The following PRKN variants were observed in gnomAD, a reference collection of about 807,000 sequenced individuals.
PRKN encodes the protein parkin RBR E3 ubiquitin protein ligase, also known as E3 ubiquitin-protein ligase parkin.
A neutral mutation model predicts 59.5 loss-of-function variants in PRKN; 56 were observed. That is an observed-to-expected ratio of 0.94 (90% CI 0.76 to 1.18). The LOEUF (loss-of-function observed/expected upper bound fraction) is 1.18. Among genes scored for constraint, PRKN ranks in the 50% most tolerant of loss-of-function variants. PRKN has a pLI of 0.00. For missense variants in PRKN, 657 were observed against 596.4 expected (o/e 1.10, Z -1.06); for synonymous variants, 250 against 222.1 (o/e 1.13, Z -1.12).
chr6:161,384,446 G>A (rs1284170443), intron 10 of PRKN, among the ~76,000 whole-genome samples: 3 of 152,124 alleles, frequency 2.0e-5, no homozygotes, highest in Non-Finnish European at 4.4e-5. Flanking sequence ...GGGAGGCTGA[G>A]GTGGCAGGGT....
rs1248219390 is a variant in PRKN, at chr6:162,058,137, T to A, written c.535-3963A>T. Among the ~76,000 whole-genome samples, 3 of 152,334 alleles carry A rather than the reference T, an allele frequency of 2.0e-5. No homozygotes were observed. The East Asian group carries it at 5.8e-4, about 29-fold the overall frequency. On this transcript the variant is annotated intron_variant, in intron 4 of 11. Coordinates refer to ENST00000366898, the MANE Select transcript of PRKN (RefSeq NM_004562.3). ...AATTAGGAAAACTTTAGAGTCAAAT[T>A]TGTGGACCAGCTCTTGCAATTTTAC...
intron 1 of PRKN, among the ~76,000 whole-genome samples, chr6:162,633,258 ACCCCATCTC>A (rs1777583113): frequency 6.6e-6 from 1 of 151,612 alleles, no homozygotes; most frequent in South Asian, 2.1e-4. Context: ...ACGTGGTGAA[ACCCCATCTC>A]TACTAAAAAT....
At chr6:162,347,254 GA>G (rs997571861) in intron 2 of PRKN, among the ~76,000 whole-genome samples, 1 of 147,438 alleles carries the variant, frequency 6.8e-6, no homozygotes, top group African/African-American at 2.5e-5. Context: ...CCTTTCTGAT[GA>G]AAAAAAAATA....
chr6:162,170,072 A>G (rs971282402), intron 4 of PRKN, among the ~76,000 whole-genome samples: 5 of 152,226 alleles, frequency 3.3e-5, no homozygotes, highest in Non-Finnish European at 5.9e-5. Context: ...CATCTGCTGT[A>G]CAGGAGAGTG....
At chr6:161,959,464 ACTCTACTAACAT>A in intron 6 of PRKN, among the ~76,000 whole-genome samples, 1 of 152,184 alleles carries the variant, frequency 6.6e-6, no homozygotes, top group Non-Finnish European at 1.5e-5. Context: ...AAGAGGTTAA[ACTCTACTAACAT>A]TTCCAAAGCA....
chr6:162,584,398 G>A (rs1780926779), intron 1 of PRKN, among the ~76,000 whole-genome samples: 1 of 152,066 alleles, frequency 6.6e-6, no homozygotes, highest in Admixed American at 6.6e-5. Flanking sequence ...GTCAATTGCT[G>A]AGAGGAACAC....
chr6:162,219,397 T>G (rs1041883002), intron 3 of PRKN, among the ~76,000 whole-genome samples: 15 of 152,206 alleles, frequency 9.9e-5, no homozygotes, highest in Admixed American at 1.3e-4. Context: ...CTTCCTCTAC[T>G]GTTCATTATT....
intron 2 of PRKN, among the ~76,000 whole-genome samples, chr6:162,430,114 G>A (rs764870688): frequency 3.3e-5 from 5 of 152,106 alleles, no homozygotes; most frequent in Admixed American, 1.3e-4. Context: ...GCCTAGGGGA[G>A]CAGACAGTGC....
At chr6:161,670,018 AG>A (rs1346072059) in intron 7 of PRKN, among the ~76,000 whole-genome samples, 1 of 152,238 alleles carries the variant, frequency 6.6e-6, no homozygotes, top group African/African-American at 2.4e-5. Context: ...CCAGTGACAT[AG>A]GAATGTGTGT....
chr6:162,071,796 C>T (rs575160028), intron 4 of PRKN, among the ~76,000 whole-genome samples: 18 of 151,990 alleles, frequency 1.2e-4, no homozygotes, highest in Middle Eastern at 3.4e-3. Flanking sequence ...GGGGTTTTAC[C>T]ATGTTGGCCA....
At chr6:162,382,658 G>C (rs1250589930) in intron 2 of PRKN, among the ~76,000 whole-genome samples, 1 of 152,120 alleles carries the variant, frequency 6.6e-6, no homozygotes. Flanking sequence ...CTAGAAGTTG[G>C]GATGACTGTG....
At chr6:161,969,268 G>GT (rs61461516) in intron 6 of PRKN, among the ~76,000 whole-genome samples, 46,386 of 133,956 alleles carry the variant, frequency 0.35, 8,292 homozygotes, top group South Asian at 0.51. Context: ...AGTCTTATTT[G>GT]TTTTTTTTTT....
At chr6:162,339,564 G>A (rs1407191124) in intron 2 of PRKN, among the ~76,000 whole-genome samples, 2 of 148,928 alleles carry the variant, frequency 1.3e-5, no homozygotes, top group African/African-American at 2.5e-5. Context: ...GGAGGTGAGG[G>A]GCGCCTCTGC....
rs555596093 is a variant in PRKN, at chr6:162,323,177, T to C, written c.172-60412A>G. On this transcript the variant is annotated intron_variant, in intron 2 of 11. Coordinates refer to ENST00000366898, the MANE Select transcript of PRKN (RefSeq NM_004562.3). ...CATGGCACATGTATACATATACATA[T>C]GTAACTAACCTGCACAATGTGCACA... Among the ~76,000 whole-genome samples the C allele has an allele frequency of 2.6e-5, 4 of 151,898 alleles. No homozygotes were observed. In the South Asian group the frequency reaches 6.2e-4, roughly 24 times the overall value.
At chr6:162,362,072 C>T (rs898310865) in intron 2 of PRKN, among the ~76,000 whole-genome samples, 6 of 152,068 alleles carry the variant, frequency 3.9e-5, no homozygotes, top group African/African-American at 1.4e-4. Context: ...GTAAAAGATC[C>T]CAAACATTTT....
Position 161,447,669 on chromosome 6 carries a change from AT to A in PRKN, c.1084-60793del, listed in dbSNP as rs2115110555. Among the ~76,000 whole-genome samples, 2 of 152,010 alleles carry A rather than the reference AT, an allele frequency of 1.3e-5. No individual in the cohort carries two copies. Among genetic ancestry groups the A allele is most frequent in the East Asian group, 3.9e-4 (2 of 5,166 alleles). On this transcript the variant is annotated intron_variant, in intron 9 of 11. Coordinates refer to ENST00000366898, the MANE Select transcript of PRKN (RefSeq NM_004562.3). This position sits in a 1 kb window ranked among gnomAD's most constrained non-coding sequence, Gnocchi z 4.1. ...CCACCATGCCTGGCTAATTTTTTGT[AT>A]TTTTAGTAGACACAGCGTTTCACCG... is the stretch of plus-strand genomic sequence containing the variant.
intron 4 of PRKN, among the ~76,000 whole-genome samples, chr6:162,113,527 TGTA>T (rs1780533293): frequency 6.6e-6 from 1 of 152,206 alleles, no homozygotes; most frequent in Non-Finnish European, 1.5e-5. Flanking sequence ...GAGAGGGATA[TGTA>T]GTACATGTGT....
At chr6:161,479,024 C>A (rs533251762) in intron 9 of PRKN, among the ~76,000 whole-genome samples, 5 of 151,972 alleles carry the variant, frequency 3.3e-5, no homozygotes, top group African/African-American at 1.2e-4. Flanking sequence ...TAGAGTGTAA[C>A]AATTTGGATG....
rs375003698 is a variant in PRKN, at chr6:162,450,381, C to CG, written c.8-6909_8-6908insC. On this transcript the variant is annotated intron_variant, in intron 1 of 11. Transcript: ENST00000366898. ...ATGTAAACGCCCCTGTGATTGTAAT[C>CG]CCCCTGTGAATGTAAACGCCCCTAT... Among the ~76,000 whole-genome samples the CG allele has an allele frequency of 7.8e-3, 753 of 96,506 alleles. 8 individuals carry two copies. The highest frequency in any genetic ancestry group is 0.024 in the African/African-American group (699 of 28,542). 63.3% of individuals were successfully genotyped at this position (96,506 alleles called of 152,430 possible). A position where few individuals can be genotyped will look rare whatever the true frequency, so the allele number is the denominator to read the frequency against.
Sources: gnomAD v4.1 joint callset for allele counts (sites outside exome capture counted in the v4.1 genomes callset) on GRCh38, gnomAD v4.1.1 for gene constraint, Gnocchi (gnomAD v3.1) non-coding constraint, MANE v1.5 for transcripts, NCBI Gene and HGNC (gene_info 2026-07-23, HGNC 2026-07-21) for gene names.